Variants in NUP153 observed in about 807,000 individuals in gnomAD.
The protein encoded by NUP153 is nuclear pore complex protein Nup153.
NUP153 carries 27 observed loss-of-function variants against 134.6 expected under a neutral mutation model. That is an observed-to-expected ratio of 0.20 (90% CI 0.15 to 0.28). NUP153 has a LOEUF of 0.28. Among genes scored for constraint, NUP153 ranks in the 10% least tolerant of loss-of-function variants. The pLI, the probability that NUP153 is intolerant of heterozygous loss-of-function variation, is 1.00. For missense variants in NUP153, 1,821 were observed against 1,731.3 expected (o/e 1.05, Z -0.92); for synonymous variants, 640 against 623.5 (o/e 1.03, Z -0.40).
chr6:17,629,208 T>C lies in NUP153; in HGVS notation c.2991A>G (p.Pro997=), dbSNP rs1355043032. The C allele has an allele frequency of 6.2e-7, 1 of 1,613,410 alleles. No homozygotes were observed. Among genetic ancestry groups the C allele is most frequent in the East Asian group, 2.2e-5 (1 of 44,880 alleles). ...CAAGATTAGATACCCCAAATTGAAA[T>C]GGAGTTAAAGAAACTGGGTTGCTTA... The part of the protein sequence containing the change: ...SGLSNPVSLT[P]FQFGVSNLGQ... The change falls in exon 18 of 22, where the codon CCA becomes CCG. Residue 997 remains proline (P), a synonymous_variant. Coordinates refer to ENST00000262077, the MANE Select transcript of NUP153 (RefSeq NM_005124.4).
chr6:17,635,156 C>A lies in NUP153; in HGVS notation c.2464+1997G>T, dbSNP rs1480055227. 6.9e-5 allele frequency among the ~76,000 whole-genome samples: 9 copies of A among 129,740 alleles called. No homozygotes were observed. The East Asian group carries it at 2.0e-3, about 29-fold the overall frequency. The allele number at this position is 129,740 out of a possible 152,430, so 85.1% of individuals were successfully genotyped here. Reference sequence around the variant, plus strand: ...ACGGAGTCTCGCTCTGTCGCCCAGGCTGGAGTGCAGTGGCATGATCTCGGC... The same window carrying A: ...ACGGAGTCTCGCTCTGTCGCCCAGGATGGAGTGCAGTGGCATGATCTCGGC... On this transcript the variant is annotated intron_variant, in intron 16 of 21. Transcript: ENST00000262077.
In NUP153 at chr6:17,628,051, G is replaced by A. The variant is rs1765030780; in HGVS notation, c.3544+604C>T. ...GTGCACTAAGTTTGGGGAAATTCTA[G>A]TTCACTAATCTGATTATCAGCTATG... On this transcript the variant is annotated intron_variant, in intron 18 of 21. Coordinates refer to ENST00000262077, the MANE Select transcript of NUP153 (RefSeq NM_005124.4). This position sits in a 1 kb window ranked among gnomAD's most constrained non-coding sequence, Gnocchi z 5.4. 6.6e-6 allele frequency among the ~76,000 whole-genome samples: 1 copy of A among 152,130 alleles called. No homozygotes were observed. Among genetic ancestry groups the A allele is most frequent in the Non-Finnish European group, 1.5e-5 (1 of 68,032 alleles).
At chr6:17,632,260 C>T (rs1044582850) in intron 17 of NUP153, among the ~76,000 whole-genome samples, 4 of 151,960 alleles carry the variant, frequency 2.6e-5, no homozygotes, top group Non-Finnish European at 5.9e-5. Context: ...GAGATCGCGC[C>T]CCCGTACTCC....
chr6:17,637,795 C>CA, intron 15 of NUP153, 25 bp from the exon 16 acceptor site: 2 of 1,565,980 alleles, frequency 1.3e-6, no homozygotes, highest in African/African-American at 2.7e-5. Context: ...GGAGAGAGTG[C>CA]AACGTTAGAG....
intron 1 of NUP153, among the ~76,000 whole-genome samples, chr6:17,699,476 C>T (rs113730559): frequency 2.5e-5 from 3 of 121,738 alleles, no homozygotes; most frequent in Non-Finnish European, 5.1e-5. Flanking sequence ...GGGCGAGACT[C>T]GTCTCAAAAA....
chr6:17,623,268 G>GT (rs1466922449), intron 20 of NUP153, among the ~76,000 whole-genome samples: 1 of 148,458 alleles, frequency 6.7e-6, no homozygotes, highest in Non-Finnish European at 1.5e-5. Context: ...AGAAATTTTG[G>GT]TATGTACATT....
At chr6:17,660,975 A>C (rs1052706810) in intron 11 of NUP153, among the ~76,000 whole-genome samples, 14 of 152,138 alleles carry the variant, frequency 9.2e-5, no homozygotes, top group African/African-American at 3.4e-4. Flanking sequence ...AAAAACTTAC[A>C]GTTACCTTTC....
chr6:17,619,706 G>A, intron 20 of NUP153: 1 of 152,302 alleles, frequency 6.6e-6, no homozygotes, highest in South Asian at 2.1e-4. Flanking sequence ...TCATGGATCA[G>A]AAGAACTATT....
At chr6:17,690,708 C>A (rs6914251) in intron 1 of NUP153, among the ~76,000 whole-genome samples, 1,877 of 152,026 alleles carry the variant, frequency 0.012, 40 homozygotes, top group African/African-American at 0.042. Flanking sequence ...TCAGTAGGTA[C>A]AGAAAACAAT....
chr6:17,698,737 C>CAA lies in NUP153; in HGVS notation c.111+7538_111+7539dup, dbSNP rs57961707. ...TGGGCGACAGAGCAAGACTCTGTCT[C>CAA]AAAAAAAAAAAAAAAAAAAGAGCTG... On this transcript the variant is annotated intron_variant, in intron 1 of 21. Coordinates refer to ENST00000262077, the MANE Select transcript of NUP153 (RefSeq NM_005124.4). Among the ~76,000 whole-genome samples the CAA allele has an allele frequency of 3.4e-3, 269 of 80,038 alleles. 2 individuals are homozygous for CAA. Among genetic ancestry groups the CAA allele is most frequent in the African/African-American group, 0.011 (244 of 23,006 alleles). 52.5% of individuals were successfully genotyped at this position (80,038 alleles called of 152,430 possible).
chr6:17,632,617 C>G lies in NUP153; in HGVS notation c.2659+33G>C, dbSNP rs554383851. 9.1e-6 allele frequency: 14 copies of G among 1,544,760 alleles called. No individual in the cohort carries two copies. The East Asian group carries it at 2.7e-4, about 30-fold the overall frequency. ...AATGGCCTTACAAAAAGGCGCTTTACCATCACCTTTATTTTTATTTTTTTG... is the reference window on the plus strand; with the variant it reads ...AATGGCCTTACAAAAAGGCGCTTTAGCATCACCTTTATTTTTATTTTTTTG... On this transcript the variant is annotated intron_variant, in intron 17 of 21. Transcript: ENST00000262077.
intron 20 of NUP153, among the ~76,000 whole-genome samples, chr6:17,618,860 CCAG>C (rs1219384783): frequency 1.3e-5 from 2 of 152,096 alleles, no homozygotes; most frequent in African/African-American, 4.8e-5. Flanking sequence ...GCCACTGCGC[CCAG>C]CAGAAGTTAA....
rs1561874461 is a variant in NUP153 at position 17,649,320 on chromosome 6, A to G, written c.1396-20T>C. On this transcript the variant is annotated intron_variant, in intron 11 of 21. Coordinates refer to ENST00000262077, the MANE Select transcript of NUP153 (RefSeq NM_005124.4). Reference sequence around the variant, plus strand: ...CATTTCCTAAAACATAACATGTTGCATGATATATTTCATCTTTCACATCAT... The same window carrying G: ...CATTTCCTAAAACATAACATGTTGCGTGATATATTTCATCTTTCACATCAT... 1.2e-6 allele frequency: 2 copies of G among 1,601,292 alleles called. No individual in the cohort carries two copies.
At chr6:17,649,777 T>C in intron 11 of NUP153, among the ~76,000 whole-genome samples, 1 of 152,298 alleles carries the variant, frequency 6.6e-6, no homozygotes, top group African/African-American at 2.4e-5. Context: ...TGTTAATCTC[T>C]GACTGTGCCT....
chr6:17,644,003 A>G (rs898567171), intron 14 of NUP153, among the ~76,000 whole-genome samples: 21 of 152,280 alleles, frequency 1.4e-4, no homozygotes, highest in African/African-American at 4.8e-4. Flanking sequence ...AGGAAACACA[A>G]TGGAAATTCC....
intron 11 of NUP153, among the ~76,000 whole-genome samples, chr6:17,650,936 T>C (rs917060965): frequency 6.6e-6 from 1 of 151,720 alleles, no homozygotes; most frequent in African/African-American, 2.4e-5. Flanking sequence ...GAAAGTAACA[T>C]AAAGTAATCT....
At chr6:17,648,871 T>C (rs79668409) in intron 12 of NUP153, among the ~76,000 whole-genome samples, 1,894 of 152,078 alleles carry the variant, frequency 0.012, 41 homozygotes, top group African/African-American at 0.042. Flanking sequence ...ACATGAAACA[T>C]TGAGTGCACT....
intron 20 of NUP153, among the ~76,000 whole-genome samples, chr6:17,621,354 C>T (rs996753285): frequency 5.3e-5 from 8 of 152,126 alleles, no homozygotes; most frequent in African/African-American, 4.8e-5. Context: ...CCACTACTGG[C>T]TATTTATCCA....
chr6:17,678,741 C>T (rs1347346499), intron 2 of NUP153, among the ~76,000 whole-genome samples: 3 of 152,016 alleles, frequency 2.0e-5, no homozygotes, highest in Non-Finnish European at 2.9e-5. Flanking sequence ...CCCAGGAGTT[C>T]GAGACCAGCC....
Sources: allele counts gnomAD v4.1 joint callset (sites outside exome capture counted in the v4.1 genomes callset), GRCh38; gene constraint gnomAD v4.1.1; non-coding constraint Gnocchi (gnomAD v3.1); transcripts MANE v1.5; gene names NCBI Gene and HGNC (gene_info 2026-07-23, HGNC 2026-07-21).